Variants in NTNG1 observed in about 807,000 individuals in gnomAD.
The protein encoded by NTNG1 is netrin-G1.
In NTNG1, 16 loss-of-function variants were observed where a neutral mutation model predicts 54.0. That is an observed-to-expected ratio of 0.30 (90% CI 0.20 to 0.45). The LOEUF is 0.45. Ranked by LOEUF, NTNG1 falls within the 20% of genes least tolerant of loss-of-function variation. The pLI, the probability that NTNG1 is intolerant of heterozygous loss-of-function variation, is 1.00. For missense variants in NTNG1, 530 were observed against 678.7 expected (o/e 0.78, Z 2.43); for synonymous variants, 255 against 263.1 (o/e 0.97, Z 0.30).
intron 5 of NTNG1, among the ~76,000 whole-genome samples, chr1:107,418,308 T>G (rs1557983390): frequency 6.6e-6 from 1 of 152,054 alleles, no homozygotes; most frequent in East Asian, 1.9e-4. Context: ...ATTTGTATTT[T>G]TGTGTGTGTG....
At chr1:107,288,996 T>C (rs949108276) in intron 2 of NTNG1, among the ~76,000 whole-genome samples, 40 of 152,148 alleles carry the variant, frequency 2.6e-4, no homozygotes, top group Non-Finnish European at 5.4e-4. Context: ...TCTAGTCAGT[T>C]GTCTCTTCCA....
intron 3 of NTNG1, among the ~76,000 whole-genome samples, chr1:107,328,768 A>G (rs1668105541): frequency 6.6e-6 from 1 of 152,160 alleles, no homozygotes; most frequent in Non-Finnish European, 1.5e-5. Flanking sequence ...TTTGAGGTAA[A>G]CAATTTCAAA....
chr1:107,353,136 C>T (rs1006251654), intron 3 of NTNG1, among the ~76,000 whole-genome samples: 1 of 152,160 alleles, frequency 6.6e-6, no homozygotes, highest in African/African-American at 2.4e-5. Context: ...TTTCTGTAGC[C>T]TGCTTGATCC....
At chr1:107,152,638 C>T (rs1397042563) in intron 2 of NTNG1, among the ~76,000 whole-genome samples, 2 of 152,100 alleles carry the variant, frequency 1.3e-5, no homozygotes, top group Non-Finnish European at 2.9e-5. Flanking sequence ...GAAATGGAAG[C>T]CCTTGAGTGC....
chr1:107,168,928 T>G (rs1259458506), intron 2 of NTNG1, among the ~76,000 whole-genome samples: 1 of 152,168 alleles, frequency 6.6e-6, no homozygotes, highest in Admixed American at 6.6e-5. Context: ...TTACTAAGGC[T>G]TCCATATGTA....
intron 3 of NTNG1, among the ~76,000 whole-genome samples, chr1:107,364,569 C>T (rs892834268): frequency 1.3e-5 from 2 of 152,206 alleles, no homozygotes; most frequent in Non-Finnish European, 2.9e-5. Context: ...CCATTTACGA[C>T]GTGCTCAGAA....
chr1:107,418,494 G>C (rs1674358099), intron 5 of NTNG1: 1 of 826,194 alleles, frequency 1.2e-6, no homozygotes, highest in African/African-American at 1.7e-5. Context: ...TGTGTGGTTT[G>C]TGTCTTTATC....
chr1:107,342,848 C>T (rs17018799), intron 3 of NTNG1, among the ~76,000 whole-genome samples: 2,697 of 152,080 alleles, frequency 0.018, 28 homozygotes, highest in African/African-American at 0.023. Flanking sequence ...GGATTTAGAA[C>T]GACCAATAAA....
At chr1:107,317,479 G>T (rs1229596745) in intron 2 of NTNG1, among the ~76,000 whole-genome samples, 1 of 152,134 alleles carries the variant, frequency 6.6e-6, no homozygotes, top group South Asian at 2.1e-4. Context: ...GATTCTGTTA[G>T]TATTTATTTC....
chr1:107,184,274 C>T (rs1570786514), intron 2 of NTNG1, among the ~76,000 whole-genome samples: 1 of 152,250 alleles, frequency 6.6e-6, no homozygotes, highest in East Asian at 1.9e-4. Flanking sequence ...TACCACCATG[C>T]ACTGGGGGTC....
At chr1:107,199,717 C>A (rs537151486) in intron 2 of NTNG1, among the ~76,000 whole-genome samples, 187 of 151,988 alleles carry the variant, frequency 1.2e-3, no homozygotes, top group African/African-American at 4.3e-3. Context: ...TACACACAGT[C>A]CTCCTCTCGC....
intron 2 of NTNG1, among the ~76,000 whole-genome samples, chr1:107,322,387 G>T (rs1667708569): frequency 6.6e-6 from 1 of 152,038 alleles, no homozygotes; most frequent in African/African-American, 2.4e-5. Flanking sequence ...AGTGCAGATG[G>T]CTACATGCTG....
At chr1:107,458,511 G>C (rs1421885234) in intron 7 of NTNG1, among the ~76,000 whole-genome samples, 1 of 152,078 alleles carries the variant, frequency 6.6e-6, no homozygotes, top group African/African-American at 2.4e-5. Flanking sequence ...TTGACCATCT[G>C]GCTTAAAATT....
intron 2 of NTNG1, among the ~76,000 whole-genome samples, chr1:107,171,443 T>C (rs1656231010): frequency 6.6e-6 from 1 of 152,102 alleles, no homozygotes; most frequent in Non-Finnish European, 1.5e-5. Flanking sequence ...CTCACAGCCA[T>C]TGGCAGACAG....
chr1:107,206,616 G>T (rs1659215543), intron 2 of NTNG1, among the ~76,000 whole-genome samples: 1 of 151,970 alleles, frequency 6.6e-6, no homozygotes, highest in Non-Finnish European at 1.5e-5. Flanking sequence ...AAACATATAG[G>T]GTCCACTTTT....
chr1:107,408,824 A>G (rs1673612114), intron 5 of NTNG1: 1 of 152,116 alleles, frequency 6.6e-6, no homozygotes, highest in Non-Finnish European at 1.5e-5. Flanking sequence ...GTAAATAGCC[A>G]TTGAATGATT....
At chr1:107,327,011 G>T (rs984722686) in intron 3 of NTNG1, among the ~76,000 whole-genome samples, 2 of 152,114 alleles carry the variant, frequency 1.3e-5, no homozygotes, top group East Asian at 3.9e-4. Flanking sequence ...TCCTCCAACT[G>T]CATTTCAGTG....
chr1:107,157,869 T>G (rs1020447182), intron 2 of NTNG1, among the ~76,000 whole-genome samples: 2 of 152,128 alleles, frequency 1.3e-5, no homozygotes, highest in Non-Finnish European at 2.9e-5. Context: ...GTCAGCATAA[T>G]CCATTCAAAA....
chr1:107,263,793 A>G (rs774948562), intron 2 of NTNG1, among the ~76,000 whole-genome samples: 2 of 152,172 alleles, frequency 1.3e-5, no homozygotes, highest in Non-Finnish European at 2.9e-5. Flanking sequence ...AAAAAAATCC[A>G]TTTTAACATT....
Sources: gnomAD v4.1 joint callset for allele counts (sites outside exome capture counted in the v4.1 genomes callset) on GRCh38, gnomAD v4.1.1 for gene constraint, MANE v1.5 for transcripts, NCBI Gene and HGNC (gene_info 2026-07-23, HGNC 2026-07-21) for gene names.